The following CNTN5 variants were observed in gnomAD, a reference collection of about 807,000 sequenced individuals.
CNTN5 encodes the protein contactin 5.
CNTN5 carries 77 observed loss-of-function variants against 129.1 expected under a neutral mutation model. The observed-to-expected ratio is 0.60, with a 90% confidence interval of 0.50 to 0.72. The LOEUF (loss-of-function observed/expected upper bound fraction) is 0.72, where lower values mean the gene tolerates loss of function less well. Ranked by LOEUF, CNTN5 falls within the 30% of genes least tolerant of loss-of-function variation. CNTN5 has a pLI of 0.00. For synonymous variants in CNTN5, 509 were observed against 465.6 expected (o/e 1.09, Z -1.20); for missense variants, 1,478 against 1,328.8 (o/e 1.11, Z -1.75).
At position 99,736,874 on chromosome 11, in the gene CNTN5, A is replaced by T. The variant is rs145255937; in HGVS notation, c.56-82670A>T. On this transcript the variant is annotated intron_variant, in intron 3 of 24. Coordinates refer to ENST00000524871, the MANE Select transcript of CNTN5 (RefSeq NM_014361.4). ...TATACAGTTCTTTCTATCACCTTTC[A>T]CAATAAACAGATGGATCAGCTGTGG... 6.1e-3 allele frequency among the ~76,000 whole-genome samples: 934 copies of T among 152,276 alleles called. 12 individuals carry two copies. The highest frequency in any genetic ancestry group is 0.021 in the African/African-American group (865 of 41,560).
At chr11:100,008,348 T>C (rs962377884) in intron 9 of CNTN5, among the ~76,000 whole-genome samples, 3 of 152,056 alleles carry the variant, frequency 2.0e-5, no homozygotes, top group Non-Finnish European at 4.4e-5. Flanking sequence ...TGCAATAAAA[T>C]AATGTGTGCC....
chr11:99,625,299 T>C (rs1005633825), intron 3 of CNTN5, among the ~76,000 whole-genome samples: 2 of 152,152 alleles, frequency 1.3e-5, no homozygotes, highest in Admixed American at 6.5e-5. Context: ...AAACAACTTT[T>C]GTTACCTCTA....
chr11:99,884,333 T>C (rs1344610628), intron 6 of CNTN5, among the ~76,000 whole-genome samples: 1 of 152,166 alleles, frequency 6.6e-6, no homozygotes, highest in Non-Finnish European at 1.5e-5. Context: ...TAACTATGTA[T>C]GAAATGTTTG....
chr11:99,197,017 G>C (rs565875410), intron 1 of CNTN5, among the ~76,000 whole-genome samples: 3 of 151,896 alleles, frequency 2.0e-5, no homozygotes, highest in Non-Finnish European at 4.4e-5. Flanking sequence ...CATTGACTTA[G>C]AGAATAAATC....
chr11:100,172,741 A>T (rs1947860835), intron 13 of CNTN5, among the ~76,000 whole-genome samples: 1 of 152,078 alleles, frequency 6.6e-6, no homozygotes, highest in Admixed American at 6.6e-5. Flanking sequence ...AATAGGATGG[A>T]TATAGATGTA....
intron 13 of CNTN5, among the ~76,000 whole-genome samples, chr11:100,149,409 T>G (rs1946969946): frequency 6.6e-6 from 1 of 152,214 alleles, no homozygotes; most frequent in African/African-American, 2.4e-5. Flanking sequence ...GTATAGCTCT[T>G]TGTGATCCAT....
chr11:99,632,167 A>G (rs1369934695), intron 3 of CNTN5, among the ~76,000 whole-genome samples: 2 of 152,156 alleles, frequency 1.3e-5, no homozygotes, highest in Non-Finnish European at 2.9e-5. Flanking sequence ...TATACAAACC[A>G]TCTTAAAATT....
Position 100,145,398 on chromosome 11 carries a change from C to T in CNTN5, c.1581-45728C>T, listed in dbSNP as rs117093758. Among the ~76,000 whole-genome samples, 436 of 152,204 alleles carry T rather than the reference C, an allele frequency of 2.9e-3. 4 individuals are homozygous for T. Among genetic ancestry groups the T allele is most frequent in the East Asian group, 0.023 (121 of 5,162 alleles). ...TAACCCATTTGCTGCTCATTGATCA[C>T]TAATCTCTTGGCTCTGCAAATGATG... On this transcript the variant is annotated intron_variant, in intron 13 of 24. Transcript: ENST00000524871.
intron 7 of CNTN5, among the ~76,000 whole-genome samples, chr11:99,945,091 G>T (rs539396869): frequency 2.6e-5 from 4 of 152,012 alleles, no homozygotes; most frequent in African/African-American, 9.7e-5. Context: ...AGAAAGAGAT[G>T]GGTACAGGTA....
At chr11:100,259,841 C>T (rs547297864) in intron 17 of CNTN5, among the ~76,000 whole-genome samples, 6 of 151,348 alleles carry the variant, frequency 4.0e-5, no homozygotes, top group African/African-American at 9.7e-5. Context: ...CCGGAGAAAG[C>T]GGGAAAGATC....
intron 13 of CNTN5, among the ~76,000 whole-genome samples, chr11:100,175,035 A>G (rs1363337502): frequency 6.6e-6 from 1 of 152,030 alleles, no homozygotes; most frequent in African/African-American, 2.4e-5. Flanking sequence ...AAAGAGTATG[A>G]ATTTCTTTCA....
intron 3 of CNTN5, among the ~76,000 whole-genome samples, chr11:99,630,911 G>A (rs979530807): frequency 3.9e-5 from 6 of 152,038 alleles, no homozygotes; most frequent in Non-Finnish European, 8.8e-5. Flanking sequence ...AAAGCACCGT[G>A]GACTGTTATT....
At chr11:99,789,536 C>G (rs1164488289) in intron 3 of CNTN5, among the ~76,000 whole-genome samples, 6 of 151,956 alleles carry the variant, frequency 3.9e-5, no homozygotes, top group African/African-American at 1.4e-4. Context: ...ATGTAATGGG[C>G]AATTGAATAA....
chr11:99,971,844 A>AG, intron 8 of CNTN5, among the ~76,000 whole-genome samples: 1 of 151,624 alleles, frequency 6.6e-6, no homozygotes, highest in Non-Finnish European at 1.5e-5. Context: ...TTTTAAAAAA[A>AG]TTTATCAAAA....
intron 9 of CNTN5, among the ~76,000 whole-genome samples, chr11:100,052,167 A>G (rs1176423523): frequency 2.0e-5 from 3 of 151,956 alleles, no homozygotes; most frequent in Non-Finnish European, 4.4e-5. Flanking sequence ...AAATGCATAT[A>G]ACAAAATCCA....
intron 13 of CNTN5, among the ~76,000 whole-genome samples, chr11:100,167,777 G>T (rs1277404353): frequency 6.6e-6 from 1 of 151,926 alleles, no homozygotes; most frequent in Non-Finnish European, 1.5e-5. Flanking sequence ...GTAGTGGAGT[G>T]AAGGAGCTAG....
At chr11:99,119,738 A>C (rs1258419774) in intron 1 of CNTN5, among the ~76,000 whole-genome samples, 1 of 152,030 alleles carries the variant, frequency 6.6e-6, no homozygotes, top group Non-Finnish European at 1.5e-5. Context: ...GGGTGAACTA[A>C]TTTACACTCC....
chr11:99,630,920 T>C (rs551642561), intron 3 of CNTN5, among the ~76,000 whole-genome samples: 21 of 152,306 alleles, frequency 1.4e-4, no homozygotes, highest in Middle Eastern at 6.8e-3. Context: ...TGGACTGTTA[T>C]TTTCCCTAAC....
chr11:100,205,408 C>G (rs978100296), intron 15 of CNTN5, among the ~76,000 whole-genome samples: 9 of 151,978 alleles, frequency 5.9e-5, no homozygotes, highest in African/African-American at 2.2e-4. Flanking sequence ...AATATGTTTT[C>G]TCTCTCAGAA....
Sources: gnomAD v4.1 joint callset for allele counts (sites outside exome capture counted in the v4.1 genomes callset) on GRCh38, gnomAD v4.1.1 for gene constraint, MANE v1.5 for transcripts, NCBI Gene and HGNC (gene_info 2026-07-23, HGNC 2026-07-21) for gene names.